BLTP1: variants seen among roughly 807,000 people sequenced by gnomAD.
BLTP1 encodes bridge-like lipid transfer protein family member 1, also known as fragile site-associated protein.
chr4:122,300,230 G>A, the BLTP1 span, among the ~76,000 whole-genome samples: 1 of 151,892 alleles, frequency 6.6e-6, no homozygotes, highest in Non-Finnish European at 1.5e-5. Context: ...GGCTAGTCCC[G>A]AACTCCTGAC....
At chr4:122,334,453 G>C in the BLTP1 span, 8 of 1,612,838 alleles carry the variant, frequency 5.0e-6, no homozygotes, top group Non-Finnish European at 6.8e-6. Context: ...ATGAAAGATA[G>C]TGCAACATCT....
chr4:122,260,701 C>G, the BLTP1 span, among the ~76,000 whole-genome samples: 1 of 151,670 alleles, frequency 6.6e-6, no homozygotes, highest in Non-Finnish European at 1.5e-5. Flanking sequence ...GCTCTTTTAT[C>G]TAGTATTTCC....
the BLTP1 span, chr4:122,309,328 C>T: frequency 6.8e-6 from 11 of 1,613,428 alleles, no homozygotes; most frequent in Middle Eastern, 1.7e-4. Context: ...AAAGTACTCT[C>T]ATCACTGCAT....
At chr4:122,155,324 A>AT in the BLTP1 span, among the ~76,000 whole-genome samples, 2,413 of 141,732 alleles carry the variant, frequency 0.017, 31 homozygotes, top group Non-Finnish European at 0.021. Flanking sequence ...GGAAGCTAGG[A>AT]TTTTTTTTTT....
the BLTP1 span, chr4:122,226,921 A>G: frequency 3.6e-4 from 346 of 972,534 alleles, 1 homozygote; most frequent in African/African-American, 5.2e-3. Flanking sequence ...CAAGTCAAAT[A>G]CACATAGCCA....
At chr4:122,172,934 T>C in the BLTP1 span, 5 of 1,577,824 alleles carry the variant, frequency 3.2e-6, no homozygotes, top group Non-Finnish European at 4.3e-6. Context: ...GGATAAAGTA[T>C]AATCAACCTC....
chr4:122,301,730 C>T, the BLTP1 span, among the ~76,000 whole-genome samples: 9 of 152,222 alleles, frequency 5.9e-5, no homozygotes, highest in East Asian at 9.6e-4. Flanking sequence ...TCCCTTCTGA[C>T]GAACATTTTG....
At chr4:122,229,583 C>A in the BLTP1 span, 1 of 339,400 alleles carries the variant, frequency 2.9e-6, no homozygotes, top group Non-Finnish European at 4.2e-6. Context: ...TTCTGCCTGG[C>A]TCTTGAAAAC....
At chr4:122,153,229 G>A in the BLTP1 span, among the ~76,000 whole-genome samples, 2 of 132,392 alleles carry the variant, frequency 1.5e-5, no homozygotes, top group Non-Finnish European at 1.6e-5. Flanking sequence ...AAAAGTTCAT[G>A]TGAATTTCCT....
the BLTP1 span, chr4:122,275,930 T>A: frequency 6.6e-7 from 1 of 1,505,976 alleles, no homozygotes; most frequent in Admixed American, 2.5e-5. Flanking sequence ...TTTATTTGCC[T>A]CCTTTTTGTT....
chr4:122,201,130 A>G, the BLTP1 span: 68 of 1,602,208 alleles, frequency 4.2e-5, no homozygotes, highest in Middle Eastern at 1.7e-4. Flanking sequence ...TTTACAGGTA[A>G]TTTTCTAATA....
the BLTP1 span, chr4:122,246,412 A>T: frequency 9.0e-7 from 1 of 1,116,748 alleles, no homozygotes; most frequent in Non-Finnish European, 1.2e-6. Context: ...ATATTAAAAA[A>T]ATATGTTTTA....
the BLTP1 span, among the ~76,000 whole-genome samples, chr4:122,179,391 C>T: frequency 6.6e-6 from 1 of 152,138 alleles, no homozygotes; most frequent in Admixed American, 6.5e-5. Context: ...ATTTAGTTCA[C>T]CTGCATTAAT....
the BLTP1 span, among the ~76,000 whole-genome samples, chr4:122,318,891 T>C: frequency 1.3e-5 from 2 of 152,210 alleles, no homozygotes; most frequent in Non-Finnish European, 2.9e-5. Context: ...TTTTGTAAAG[T>C]TATTAATCCA....
At chr4:122,154,659 G>A in the BLTP1 span, among the ~76,000 whole-genome samples, 1 of 152,140 alleles carries the variant, frequency 6.6e-6, no homozygotes, top group Non-Finnish European at 1.5e-5. Context: ...GGATCACAAG[G>A]TCAGGAGATC....
At chr4:122,258,518 A>C in the BLTP1 span, 1 of 320,914 alleles carries the variant, frequency 3.1e-6, no homozygotes, top group African/African-American at 2.2e-5. Context: ...GTGAAAGTCT[A>C]ATAAAAGCCG....
chr4:122,275,850 T>C, the BLTP1 span: 1 of 1,172,568 alleles, frequency 8.5e-7, no homozygotes, highest in Non-Finnish European at 1.1e-6. Context: ...TAAAGGAACA[T>C]TTTAAGAGTG....
At chr4:122,260,602 A>G in the BLTP1 span, among the ~76,000 whole-genome samples, 266 of 152,270 alleles carry the variant, frequency 1.7e-3, no homozygotes, top group African/African-American at 6.3e-3. Context: ...GTAAGAAAAC[A>G]GATACTCATA....
At chr4:122,197,313 G>A in the BLTP1 span, 41 of 1,275,518 alleles carry the variant, frequency 3.2e-5, no homozygotes, top group Non-Finnish European at 4.1e-5. Flanking sequence ...AAATAATTAG[G>A]GAAATAATTA....
Sources: allele counts gnomAD v4.1 joint callset (sites outside exome capture counted in the v4.1 genomes callset), GRCh38; gene constraint gnomAD v4.1.1; transcripts MANE v1.5; gene names NCBI Gene and HGNC (gene_info 2026-07-23, HGNC 2026-07-21).